The following HPS1 variants were observed in gnomAD, a reference collection of about 807,000 sequenced individuals.
HPS1 encodes the protein HPS1 biogenesis of lysosomal organelles complex 3 subunit 1, also known as BLOC-3 complex member HPS1.
In HPS1, 59 loss-of-function variants were observed where a neutral mutation model predicts 90.6. The ratio of observed to expected loss-of-function variants is 0.65; its 90% confidence interval spans 0.53 to 0.81. The LOEUF (loss-of-function observed/expected upper bound fraction) is 0.81, where lower values mean the gene tolerates loss of function less well. HPS1 is among the 30% of genes least tolerant of loss of function. The pLI is 0.00. For missense variants in HPS1, 849 were observed against 896.7 expected (o/e 0.95, Z 0.68); for synonymous variants, 388 against 384.4 (o/e 1.01, Z -0.11).
chr10:98,426,880 A>T (rs1430571661), intron 11 of HPS1, among the ~76,000 whole-genome samples: 3 of 151,868 alleles, frequency 2.0e-5, no homozygotes, highest in Non-Finnish European at 4.4e-5. Context: ...TTTATAGTTT[A>T]CTTTTGTATT....
At position 98,445,402 on chromosome 10, in the gene HPS1, G is replaced by C. The variant is rs1358377883; in HGVS notation, c.-103C>G. On this transcript the variant is annotated splice_region_variant and 5_prime_UTR_variant, in exon 2 of 20. Coordinates refer to ENST00000361490, the MANE Select transcript of HPS1 (RefSeq NM_000195.5). The surrounding 1 kb of genome is among the most constrained non-coding windows in gnomAD (Gnocchi z 4.5). Reference sequence around the variant, plus strand: ...ATGGGAGAGCAGCACAGCATCCCTGGTCCTGCAAATGCTTAAAACAGAGAG... The same window carrying C: ...ATGGGAGAGCAGCACAGCATCCCTGCTCCTGCAAATGCTTAAAACAGAGAG... 4.6e-5 allele frequency: 7 copies of C among 152,582 alleles called. No homozygotes were observed. Among genetic ancestry groups the C allele is most frequent in the African/African-American group, 1.7e-4 (7 of 41,456 alleles). 9.5% of individuals were successfully genotyped at this position (152,582 alleles called of 1,614,324 possible).
Position 98,435,030 on chromosome 10 carries a change from C to T in HPS1, c.398+242G>A. The T allele has an allele frequency of 1.8e-6, 1 of 542,282 alleles. No individual in the cohort carries two copies. Among genetic ancestry groups the T allele is most frequent in the Non-Finnish European group, 3.3e-6 (1 of 300,828 alleles). 33.6% of individuals were successfully genotyped at this position (542,282 alleles called of 1,614,324 possible). On this transcript the variant is annotated intron_variant, in intron 5 of 19. Transcript: ENST00000361490. This position sits in a 1 kb window ranked among gnomAD's most constrained non-coding sequence, Gnocchi z 4.3. ...GCTCAAATATCCAGTTTGGATGTGG[C>T]CACCAACCAGCTAGATGACCCCAGG...
In HPS1 at chr10:98,445,040, G is replaced by T. The variant is rs1939235528; in HGVS notation, c.-1+260C>A. Reference sequence around the variant, plus strand: ...TAGGTGCGGGTGTCAGGTAATGAGTGCTCACCCCTTGGTGGGGGCTGGGAG... The same window carrying T: ...TAGGTGCGGGTGTCAGGTAATGAGTTCTCACCCCTTGGTGGGGGCTGGGAG... On this transcript the variant is annotated intron_variant, in intron 2 of 19. Transcript: ENST00000361490. This position sits in a 1 kb window ranked among gnomAD's most constrained non-coding sequence, Gnocchi z 4.5. Among the ~76,000 whole-genome samples the T allele has an allele frequency of 6.6e-6, 1 of 152,286 alleles. No individual in the cohort carries two copies. Among genetic ancestry groups the T allele is most frequent in the Admixed American group, 6.5e-5 (1 of 15,298 alleles).
chr10:98,427,225 TCCATGGGGGGGGTG>T lies in HPS1; in HGVS notation c.963_976del (p.Thr322CysfsTer126), dbSNP rs1430910784. On this transcript the variant is annotated frameshift_variant, in exon 11 of 20. Transcript: ENST00000361490. LOFTEE classifies it high-confidence loss of function. ...ACAGGAGAAACTCACCTGAAGGGCA[TCCATGGGGGGGGTG>T]CCCCCCTCCAGCCAGATGGTGCTAC... The T allele has an allele frequency of 6.4e-7, 1 of 1,551,380 alleles. No individual in the cohort carries two copies. Among genetic ancestry groups the T allele is most frequent in the Non-Finnish European group, 8.7e-7 (1 of 1,146,764 alleles).
rs538796111 is a variant in HPS1, at chr10:98,417,492, C to G, written c.*72G>C. On this transcript the variant is annotated 3_prime_UTR_variant, in exon 20 of 20. Transcript: ENST00000361490. This position sits in a 1 kb window ranked among gnomAD's most constrained non-coding sequence, Gnocchi z 4.2. Reference sequence around the variant, plus strand: ...ATGGCCACTGCAGACAGGAGGCTCTCGTCATGGGGAACAGTGGCAAGCAAG... The same window carrying G: ...ATGGCCACTGCAGACAGGAGGCTCTGGTCATGGGGAACAGTGGCAAGCAAG... The G allele has an allele frequency of 1.4e-6, 2 of 1,380,234 alleles. No individual in the cohort carries two copies. Among genetic ancestry groups the G allele is most frequent in the Non-Finnish European group, 2.0e-6 (2 of 999,964 alleles). The allele number at this position is 1,380,234 out of a possible 1,614,324, so 85.5% of individuals were successfully genotyped here. A position where few individuals can be genotyped will look rare whatever the true frequency, so the allele number is the denominator to read the frequency against.
chr10:98,441,498 T>C (rs1938413250), intron 3 of HPS1, among the ~76,000 whole-genome samples: 2 of 152,162 alleles, frequency 1.3e-5, no homozygotes, highest in Non-Finnish European at 2.9e-5. Flanking sequence ...AAAAGCATAA[T>C]CCATAAATGC....
intron 13 of HPS1, among the ~76,000 whole-genome samples, chr10:98,425,069 C>T (rs1845414533): frequency 6.6e-6 from 1 of 152,240 alleles, no homozygotes; most frequent in Non-Finnish European, 1.5e-5. Flanking sequence ...GTCTCCTGGT[C>T]TCAGCTCCCC....
In HPS1 at chr10:98,425,894, C is replaced by T. The variant is rs1182514734; in HGVS notation, c.1079G>A (p.Ser360Asn). ...RIFLDANVKE[S>N]YCPLVPHTMY... Reference sequence around the variant, plus strand: ...GGTGTGGGGCACTAGGGGGCAGTAGCTTTCCTTCACGTTGGCATCCAGGAA... The same window carrying T: ...GGTGTGGGGCACTAGGGGGCAGTAGTTTTCCTTCACGTTGGCATCCAGGAA... Residue 360 changes from serine to asparagine, a missense_variant, in exon 12 of 20, where the codon AGC becomes AAC. Ser to Asn is a conservative substitution (Grantham distance 46). Transcript: ENST00000361490. 1.9e-6 allele frequency: 3 copies of T among 1,614,034 alleles called. No homozygotes were observed. Among genetic ancestry groups the T allele is most frequent in the African/African-American group, 1.3e-5 (1 of 74,930 alleles).
In HPS1 at chr10:98,429,644, T is replaced by A; in HGVS notation, c.868-2A>T. ...AGGGAGGGAGAAGCTGTCTGTCTCC[T>A]GGAATGGAGAAGGTGGCTCAGGTTG... is the stretch of plus-strand genomic sequence containing the variant. On this transcript the variant is annotated splice_acceptor_variant, in intron 9 of 19. Transcript: ENST00000361490. LOFTEE classifies it high-confidence loss of function. 6.2e-7 allele frequency: 1 copy of A among 1,614,168 alleles called. No individual in the cohort carries two copies. Among genetic ancestry groups the A allele is most frequent in the Non-Finnish European group, 8.5e-7 (1 of 1,180,024 alleles).
intron 10 of HPS1, among the ~76,000 whole-genome samples, chr10:98,428,944 C>T (rs571602034): frequency 6.3e-4 from 96 of 151,846 alleles, no homozygotes; most frequent in African/African-American, 2.1e-3. Context: ...CGGGTTCAAG[C>T]GATTCTCCTG....
rs2136076426 is a variant in HPS1, at chr10:98,417,343, T to C, written c.*221A>G. The C allele has an allele frequency of 9.7e-6, 5 of 513,816 alleles. No homozygotes were observed. The highest frequency in any genetic ancestry group is 3.2e-5 in the East Asian group (1 of 31,474). 31.8% of individuals were successfully genotyped at this position (513,816 alleles called of 1,614,324 possible). On this transcript the variant is annotated 3_prime_UTR_variant, in exon 20 of 20. Coordinates refer to ENST00000361490, the MANE Select transcript of HPS1 (RefSeq NM_000195.5). This position sits in a 1 kb window ranked among gnomAD's most constrained non-coding sequence, Gnocchi z 4.2. ...ACCGTTGTTTTACAAACAGGACCCC[T>C]GGGCTTCCCTCTTCCTCCAGAGAGA...
chr10:98,443,141 C>A lies in HPS1; in HGVS notation c.100G>T (p.Glu34Ter), dbSNP rs1300170651. Residue 34 changes from glutamate (E) to a stop codon, truncating the protein, a stop_gained, in exon 3 of 20, where the codon GAG becomes TAG. Transcript: ENST00000361490. LOFTEE classifies it high-confidence loss of function. ...GCACTCACCTCTTCTTCCTCATTCT[C>A]TGACTGCCCGAACTTCAGCCGGAGA... is the stretch of plus-strand genomic sequence containing the variant. The part of the protein sequence containing the change: ...ESLRLKFGQS[E>*]NEEEELPALE... 6.2e-7 allele frequency: 1 copy of A among 1,613,270 alleles called. No homozygotes were observed. Among genetic ancestry groups the A allele is most frequent in the Non-Finnish European group, 8.5e-7 (1 of 1,179,354 alleles).
intron 6 of HPS1, 134 bp downstream of exon 6, chr10:98,433,849 A>G: frequency 7.7e-7 from 1 of 1,306,928 alleles, no homozygotes; most frequent in East Asian, 2.6e-5. Context: ...AGAAAGAACA[A>G]CTCTCTCTGA....
chr10:98,417,602 G>A lies in HPS1; in HGVS notation c.2065C>T (p.Arg689Trp), dbSNP rs3830014. Reference protein sequence around the residue: ...LLVQQAGQLARRLWEASRIPL... With the variant: ...LLVQQAGQLAWRLWEASRIPL... The stretch of plus-strand genomic sequence containing the variant: ...ATACGGGAGGCCTCCCAGAGGCGCC[G>A]GGCCAGCTGGCCGGCCTGCTGCACC... Residue 689 changes from arginine to tryptophan, a missense_variant, in exon 20 of 20, where the codon CGG (arginine) becomes TGG (tryptophan). Transcript: ENST00000361490. This position sits in a 1 kb window ranked among gnomAD's most constrained non-coding sequence, Gnocchi z 4.2. 176 of 1,612,326 alleles carry A rather than the reference G, an allele frequency of 1.1e-4. 1 individual carries two copies. In the East Asian group the frequency reaches 2.1e-3, roughly 19 times the overall value.
At chr10:98,426,745 A>AGTGTGTGT (rs58431822) in intron 11 of HPS1, among the ~76,000 whole-genome samples, 40 of 147,916 alleles carry the variant, frequency 2.7e-4, no homozygotes, top group African/African-American at 7.5e-4. Context: ...GTACATATGT[A>AGTGTGTGT]GTGTGTGTGT....
chr10:98,446,166 C>T (rs916297850), intron 1 of HPS1, among the ~76,000 whole-genome samples: 5 of 150,302 alleles, frequency 3.3e-5, no homozygotes, highest in Non-Finnish European at 7.4e-5. Flanking sequence ...AGTGACTACC[C>T]GCCACAGAGA....
intron 3 of HPS1, among the ~76,000 whole-genome samples, chr10:98,439,178 A>C (rs921967094): frequency 6.6e-6 from 1 of 152,182 alleles, no homozygotes; most frequent in Admixed American, 6.5e-5. Flanking sequence ...TGCTAGAGTG[A>C]TTAAGGGAAT....
In HPS1 at chr10:98,434,000, GCTC is replaced by G; in HGVS notation, c.487_489del (p.Glu163del). The G allele has an allele frequency of 6.4e-7, 1 of 1,558,984 alleles. No homozygotes were observed. The highest frequency in any genetic ancestry group is 8.7e-7 in the Non-Finnish European group (1 of 1,151,184). On this transcript the variant is annotated inframe_deletion, in exon 6 of 20. Transcript: ENST00000361490. ...GTAGTCACCTCCACGGCGAAGCACTGCTCCTGCTCCCGCAGGCGGCTGTAGGTC... is the reference window on the plus strand; with the variant it reads ...GTAGTCACCTCCACGGCGAAGCACTGCTGCTCCCGCAGGCGGCTGTAGGTC...
intron 2 of HPS1, 118 bp from the exon 3 acceptor site, chr10:98,443,358 A>G: frequency 1.3e-6 from 1 of 796,166 alleles, no homozygotes; most frequent in South Asian, 1.3e-5. Flanking sequence ...TCTGCACACC[A>G]GGCATCACAA....
Sources: allele counts gnomAD v4.1 joint callset (sites outside exome capture counted in the v4.1 genomes callset), GRCh38; gene constraint gnomAD v4.1.1; non-coding constraint Gnocchi (gnomAD v3.1); transcripts MANE v1.5; gene names NCBI Gene and HGNC (gene_info 2026-07-23, HGNC 2026-07-21).